Variants in SNX29 observed in about 807,000 individuals in gnomAD.
SNX29 encodes sorting nexin-29.
A neutral mutation model predicts 102.1 loss-of-function variants in SNX29; 78 were observed. The observed-to-expected ratio is 0.76, with a 90% CI of 0.64 to 0.92. The LOEUF is 0.92. Ranked by LOEUF, SNX29 falls within the 40% of genes least tolerant of loss-of-function variation. The probability of loss-of-function intolerance (pLI) is 0.00; values close to 1 mark genes in which losing one functional copy is unlikely to be tolerated. For synonymous variants in SNX29, 580 were observed against 414.5 expected, an observed-to-expected ratio of 1.40 and a Z score of -4.85; for missense variants, 1,280 against 1,061.7, an observed-to-expected ratio of 1.21 and a Z score of -2.86.
intron 16 of SNX29, among the ~76,000 whole-genome samples, chr16:12,366,197 C>T (rs1234608720): frequency 6.6e-6 from 1 of 152,088 alleles, no homozygotes; most frequent in African/African-American, 2.4e-5. Context: ...GTCTTCCTTA[C>T]TGTGGGATTT....
rs748141816 is a variant in SNX29 at position 12,061,597 on chromosome 16, C to T, written c.1194C>T (p.Asp398=). 4 of 1,612,158 alleles carry T rather than the reference C, an allele frequency of 2.5e-6. 1 individual carries two copies. In the South Asian group the frequency reaches 4.4e-5, roughly 18 times the overall value. Residue 398 remains aspartate, a synonymous_variant, in exon 9 of 21, where the codon GAC becomes GAT. Coordinates refer to ENST00000566228, the MANE Select transcript of SNX29 (RefSeq NM_032167.5). ...CTCCGCTGAAGGTGCTGCACAATGA[C>T]TCCGACATCCTCTTCCCTGTCAGTG... ...SWAPLKVLHN[D]SDILFPVSGV... is the part of the protein sequence containing the mutation.
chr16:12,428,174 C>G (rs1328672828), intron 18 of SNX29, among the ~76,000 whole-genome samples: 2 of 152,104 alleles, frequency 1.3e-5, no homozygotes, highest in East Asian at 1.9e-4. Context: ...TAGACATTTT[C>G]TAATGTTACT....
chr16:12,549,193 A>ACC (rs1383051466), intron 20 of SNX29, among the ~76,000 whole-genome samples: 3 of 151,872 alleles, frequency 2.0e-5, no homozygotes, highest in Non-Finnish European at 4.4e-5. Flanking sequence ...GGGGCTAGGC[A>ACC]CCCCTCACGA....
Position 12,477,705 on chromosome 16 carries a change from C to T in SNX29, c.2038-14C>T. 6.2e-7 allele frequency: 1 copy of T among 1,605,776 alleles called. No individual in the cohort carries two copies. Among genetic ancestry groups the T allele is most frequent in the Non-Finnish European group, 8.5e-7 (1 of 1,177,928 alleles). ...AGGGTTTAAGAGGAATTCACATTTT[C>T]TCTTTCTTGACAGGTCTACATCCGG... On this transcript the variant is annotated splice_polypyrimidine_tract_variant and intron_variant, in intron 18 of 20. Transcript: ENST00000566228.
At chr16:12,380,588 ACCATCCATCCAC>A (rs2083054005) in intron 16 of SNX29, among the ~76,000 whole-genome samples, 1 of 92,052 alleles carries the variant, frequency 1.1e-5, no homozygotes, top group Non-Finnish European at 2.2e-5. Context: ...CCACCCACCC[ACCATCCATCCAC>A]CCATCCACCA....
chr16:12,057,149 T>C (rs2050554218), intron 8 of SNX29, among the ~76,000 whole-genome samples: 1 of 152,224 alleles, frequency 6.6e-6, no homozygotes, highest in Non-Finnish European at 1.5e-5. Flanking sequence ...ATATGTGCTC[T>C]ATGATACCGG....
chr16:12,077,702 CCT>C (rs1251019997), intron 10 of SNX29, among the ~76,000 whole-genome samples: 5 of 152,014 alleles, frequency 3.3e-5, no homozygotes, highest in African/African-American at 9.7e-5. Context: ...CTCACTGCAA[CCT>C]CTGTTTCCTG....
intron 18 of SNX29, among the ~76,000 whole-genome samples, chr16:12,406,222 A>C (rs1190013816): frequency 1.3e-5 from 2 of 152,200 alleles, no homozygotes; most frequent in African/African-American, 2.4e-5. Flanking sequence ...ACACAGTTGC[A>C]CTCATTGATT....
intron 11 of SNX29, among the ~76,000 whole-genome samples, chr16:12,089,105 GAGGA>G (rs2151389985): frequency 6.9e-6 from 1 of 145,980 alleles, no homozygotes; most frequent in South Asian, 2.2e-4. Context: ...GAAAGAAAGA[GAGGA>G]GAGAGAGAGA....
chr16:12,302,250 C>T (rs1259915157), intron 15 of SNX29, among the ~76,000 whole-genome samples: 1 of 152,208 alleles, frequency 6.6e-6, no homozygotes, highest in Non-Finnish European at 1.5e-5. Context: ...TGGCCACGTT[C>T]CGTCAAACTT....
rs117518000 is a variant in SNX29 at position 12,144,477 on chromosome 16, G to A, written c.1595+14719G>A. ...CCTGAGAGGTGATTAGACCATGAGC[G>A]CTCCACCCCCCATGGAGGGGAGGTG... On this transcript the variant is annotated intron_variant, in intron 13 of 20. Transcript: ENST00000566228. Among the ~76,000 whole-genome samples the A allele has an allele frequency of 9.1e-4, 139 of 152,238 alleles. No individual in the cohort carries two copies. In the East Asian group the frequency reaches 0.021, roughly 23 times the overall value.
At chr16:12,139,357 AC>A (rs2054785170) in intron 13 of SNX29, among the ~76,000 whole-genome samples, 1 of 152,134 alleles carries the variant, frequency 6.6e-6, no homozygotes, top group Non-Finnish European at 1.5e-5. Flanking sequence ...TCATCCACGC[AC>A]TGCCTGTCTT....
At chr16:12,226,969 C>T (rs1596559213) in intron 14 of SNX29, among the ~76,000 whole-genome samples, 1 of 152,146 alleles carries the variant, frequency 6.6e-6, no homozygotes, top group African/African-American at 2.4e-5. Flanking sequence ...CATCCCTAAT[C>T]GAGACCGGAT....
At chr16:12,551,033 C>G (rs2077943185) in intron 20 of SNX29, among the ~76,000 whole-genome samples, 1 of 152,114 alleles carries the variant, frequency 6.6e-6, no homozygotes, top group Non-Finnish European at 1.5e-5. Context: ...GGCTTCTAAA[C>G]AAGGTGTCAT....
intron 8 of SNX29, among the ~76,000 whole-genome samples, chr16:12,058,797 GT>G (rs34150245): frequency 0.58 from 66,001 of 113,588 alleles, 20,221 homozygotes; most frequent in African/African-American, 0.71. Context: ...CCCGGCCTGG[GT>G]TTTTTTTTTT....
chr16:12,216,020 G>T (rs369154319), intron 14 of SNX29, among the ~76,000 whole-genome samples: 4 of 152,302 alleles, frequency 2.6e-5, no homozygotes, highest in African/African-American at 9.6e-5. Flanking sequence ...CAGCAAGCAG[G>T]CATACATCCT....
At chr16:12,540,037 A>G (rs1237381147) in intron 20 of SNX29, among the ~76,000 whole-genome samples, 2 of 152,034 alleles carry the variant, frequency 1.3e-5, no homozygotes, top group East Asian at 3.9e-4. Context: ...TTTTGATGAA[A>G]TTTACTTTTT....
At chr16:11,994,994 TC>T (rs1190599236) in intron 1 of SNX29, among the ~76,000 whole-genome samples, 1 of 152,198 alleles carries the variant, frequency 6.6e-6, no homozygotes, top group East Asian at 1.9e-4. Context: ...TTCAGTGCTC[TC>T]CACTGTTCCT....
intron 13 of SNX29, among the ~76,000 whole-genome samples, chr16:12,177,055 C>T (rs1375992507): frequency 6.6e-6 from 1 of 152,110 alleles, no homozygotes; most frequent in Non-Finnish European, 1.5e-5. Flanking sequence ...TCAAGCAATC[C>T]TCCTACCTCA....
Sources: gnomAD v4.1 joint callset for allele counts (sites outside exome capture counted in the v4.1 genomes callset) on GRCh38, gnomAD v4.1.1 for gene constraint, MANE v1.5 for transcripts, NCBI Gene and HGNC (gene_info 2026-07-23, HGNC 2026-07-21) for gene names.